Variants in NSD3 observed in about 807,000 individuals in gnomAD.
The protein encoded by NSD3 is histone-lysine N-methyltransferase NSD3.
A neutral mutation model predicts 160.8 loss-of-function variants in NSD3; 24 were observed. The ratio of observed to expected loss-of-function variants is 0.15; its 90% CI spans 0.11 to 0.21. The LOEUF (loss-of-function observed/expected upper bound fraction) is 0.21. Ranked by LOEUF, NSD3 falls within the 10% of genes least tolerant of loss-of-function variation. NSD3 has a pLI of 1.00. For synonymous variants in NSD3, 520 were observed against 600.0 expected, an observed-to-expected ratio of 0.87 and a Z score of 1.95; for missense variants, 1,157 against 1,735.9, an observed-to-expected ratio of 0.67 and a Z score of 5.93.
At chr8:38,337,153 AG>A (rs1810239637) in intron 4 of NSD3, 151 bp downstream of exon 4, 60 of 717,548 alleles carry the variant, frequency 8.4e-5, no homozygotes, top group Middle Eastern at 9.7e-4. Context: ...AAAAAAAAAA[AG>A]AAAAAAAAAA....
At chr8:38,349,341 T>C (rs775154317) in intron 1 of NSD3, among the ~76,000 whole-genome samples, 21 of 152,074 alleles carry the variant, frequency 1.4e-4, no homozygotes, top group Admixed American at 3.9e-4. Context: ...ATTTTTCTTT[T>C]CTTTTCTTTA....
chr8:38,275,970 C>T, intron 23 of NSD3, 88 bp from the exon 24 acceptor site: 1 of 1,165,398 alleles, frequency 8.6e-7, no homozygotes, highest in Non-Finnish European at 1.2e-6. Flanking sequence ...GTTCCTTCTT[C>T]TCTCATTGGA....
intron 1 of NSD3, among the ~76,000 whole-genome samples, chr8:38,356,497 G>C (rs1244871927): frequency 6.6e-6 from 1 of 152,068 alleles, no homozygotes; most frequent in African/African-American, 2.4e-5. Context: ...TAGAGGGCCT[G>C]TTTGAGGCCA....
At chr8:38,372,996 G>C (rs778051827) in intron 1 of NSD3, among the ~76,000 whole-genome samples, 1 of 148,238 alleles carries the variant, frequency 6.7e-6, no homozygotes, top group Non-Finnish European at 1.5e-5. Context: ...GTTGCAGTGA[G>C]CCGAGATTGC....
At chr8:38,292,234 ACTT>A (rs954570640) in intron 16 of NSD3, among the ~76,000 whole-genome samples, 5 of 152,278 alleles carry the variant, frequency 3.3e-5, no homozygotes, top group African/African-American at 1.2e-4. Flanking sequence ...AGCAGTATGC[ACTT>A]CTTCTAAAAA....
chr8:38,326,558 T>G (rs1809916640), intron 7 of NSD3, among the ~76,000 whole-genome samples, 172 bp downstream of exon 7: 1 of 152,266 alleles, frequency 6.6e-6, no homozygotes, highest in Admixed American at 6.5e-5. Context: ...AATAAAGTTC[T>G]CTAGCCCCTA....
intron 2 of NSD3, among the ~76,000 whole-genome samples, chr8:38,342,180 G>A (rs1810388269): frequency 6.6e-6 from 1 of 152,124 alleles, no homozygotes; most frequent in Non-Finnish European, 1.5e-5. Context: ...GACTATATAA[G>A]TAAGAGAAGA....
At chr8:38,359,867 A>G (rs1810916530) in intron 1 of NSD3, among the ~76,000 whole-genome samples, 1 of 152,248 alleles carries the variant, frequency 6.6e-6, no homozygotes, top group Non-Finnish European at 1.5e-5. Context: ...TTCATCCACA[A>G]ACAAAATACA....
At position 38,321,198 on chromosome 8, in the gene NSD3, CA is replaced by C. The variant is rs748234416; in HGVS notation, c.1709-27del. On this transcript the variant is annotated intron_variant, in intron 7 of 23. Transcript: ENST00000317025. The surrounding 1 kb of genome is among the most constrained non-coding windows in gnomAD (Gnocchi z 4.7). ...CTAAGAAATGATTTAAACACACAAACAAAAACTCACTTAAGGATACCTTGAC... is the reference window on the plus strand; with the variant it reads ...CTAAGAAATGATTTAAACACACAAACAAAACTCACTTAAGGATACCTTGAC... The C allele has an allele frequency of 2.5e-6, 4 of 1,587,664 alleles. No homozygotes were observed. The South Asian group carries it at 3.4e-5, about 13-fold the overall frequency.
chr8:38,297,358 G>A (rs546236235), intron 15 of NSD3, among the ~76,000 whole-genome samples: 212 of 152,212 alleles, frequency 1.4e-3, no homozygotes, highest in African/African-American at 1.7e-3. Flanking sequence ...ACGTGACAGC[G>A]AATGTTAACC....
At chr8:38,326,635 C>G in intron 7 of NSD3, 95 bp downstream of exon 7, 1 of 1,302,704 alleles carries the variant, frequency 7.7e-7, no homozygotes, top group Non-Finnish European at 1.0e-6. Flanking sequence ...CTTTTGATAA[C>G]TAAGAGTTTC....
At chr8:38,283,801 T>G (rs1585853580) in intron 19 of NSD3, among the ~76,000 whole-genome samples, 1 of 152,104 alleles carries the variant, frequency 6.6e-6, no homozygotes, top group Non-Finnish European at 1.5e-5. Flanking sequence ...AGCTATGATA[T>G]GGAATTCAGT....
intron 1 of NSD3, chr8:38,380,731 G>A (rs1585942754): frequency 1.3e-5 from 2 of 152,268 alleles, no homozygotes; most frequent in East Asian, 1.9e-4. Flanking sequence ...CAAGACGTAA[G>A]GGGAAAAGAG....
chr8:38,275,278 A>G lies in NSD3; in HGVS notation c.*363T>C, dbSNP rs1040022364. 3.8e-6 allele frequency: 1 copy of G among 263,516 alleles called. No homozygotes were observed. The highest frequency in any genetic ancestry group is 2.2e-5 in the African/African-American group (1 of 45,820). 16.3% of individuals were successfully genotyped at this position (263,516 alleles called of 1,614,324 possible). On this transcript the variant is annotated 3_prime_UTR_variant, in exon 24 of 24. Transcript: ENST00000317025. ...AAGGAATGATGGCTACTTTTGCTTT[A>G]TACAACCAAGGAACACATCTTAGAC...
intron 1 of NSD3, among the ~76,000 whole-genome samples, chr8:38,373,665 A>T (rs1315567665): frequency 2.0e-5 from 3 of 152,120 alleles, no homozygotes; most frequent in South Asian, 4.1e-4. Context: ...TGATAAACTA[A>T]TTTTTTTAAC....
intron 21 of NSD3, 100 bp from the exon 22 acceptor site, chr8:38,278,512 G>GCAAGGGAAACGCCTT: frequency 9.9e-7 from 1 of 1,013,450 alleles, no homozygotes; most frequent in Non-Finnish European, 1.4e-6. Context: ...CATCATTTTG[G>GCAAGGGAAACGCCTT]CATGAAGGCG....
At chr8:38,336,522 A>T (rs1179539324) in intron 4 of NSD3, among the ~76,000 whole-genome samples, 1 of 152,148 alleles carries the variant, frequency 6.6e-6, no homozygotes, top group Admixed American at 6.5e-5. Context: ...AGAGGAAAAA[A>T]AAGCATCCTG....
intron 19 of NSD3, among the ~76,000 whole-genome samples, chr8:38,284,905 A>C (rs934710181): frequency 2.6e-5 from 4 of 152,262 alleles, no homozygotes; most frequent in Admixed American, 2.6e-4. Context: ...CAAATATGAG[A>C]GCAAGTCTCA....
intron 6 of NSD3, among the ~76,000 whole-genome samples, chr8:38,328,896 T>C (rs1481008229): frequency 6.6e-6 from 1 of 152,198 alleles, no homozygotes; most frequent in Non-Finnish European, 1.5e-5. Flanking sequence ...TCTGGGATTC[T>C]CTGAAAGGCA....
Sources: allele counts gnomAD v4.1 joint callset (sites outside exome capture counted in the v4.1 genomes callset), GRCh38; gene constraint gnomAD v4.1.1; non-coding constraint Gnocchi (gnomAD v3.1); transcripts MANE v1.5; gene names NCBI Gene and HGNC (gene_info 2026-07-23, HGNC 2026-07-21).